AREL1: variants seen among roughly 807,000 people sequenced by gnomAD.
AREL1 encodes apoptosis-resistant E3 ubiquitin protein ligase 1.
A neutral mutation model predicts 99.0 loss-of-function variants in AREL1; 62 were observed. That is an observed-to-expected ratio of 0.63 (90% CI 0.51 to 0.77). The LOEUF (loss-of-function observed/expected upper bound fraction) is 0.77, where lower values mean the gene tolerates loss of function less well. Among genes scored for constraint, AREL1 ranks in the 30% least tolerant of loss-of-function variants. The pLI is 0.00. For missense variants in AREL1, 879 were observed against 1,027.6 expected, an observed-to-expected ratio of 0.86 and a Z score of 1.98; for synonymous variants, 380 against 376.5, an observed-to-expected ratio of 1.01 and a Z score of -0.11.
chr14:74,702,386 G>C (rs2090102607), intron 1 of AREL1, among the ~76,000 whole-genome samples: 1 of 152,212 alleles, frequency 6.6e-6, no homozygotes, highest in African/African-American at 2.4e-5. Context: ...TCACGTGTAA[G>C]CTGCCAAGGC....
At chr14:74,684,335 G>T in intron 4 of AREL1, 119 bp downstream of exon 4, 1 of 847,240 alleles carries the variant, frequency 1.2e-6, no homozygotes, top group Non-Finnish European at 1.8e-6. Flanking sequence ...CAATTCACTA[G>T]TTCCTGGAGG....
chr14:74,705,631 C>A (rs1594771240), intron 1 of AREL1, among the ~76,000 whole-genome samples: 1 of 152,052 alleles, frequency 6.6e-6, no homozygotes, highest in East Asian at 1.9e-4. Flanking sequence ...GTCACTCTAA[C>A]CTGTGATGAG....
At chr14:74,697,142 A>T (rs1311527076) in intron 1 of AREL1, among the ~76,000 whole-genome samples, 1 of 150,706 alleles carries the variant, frequency 6.6e-6, no homozygotes, top group Non-Finnish European at 1.5e-5. Context: ...AGAGAGAGAG[A>T]TCCTGTCACA....
At position 74,713,035 on chromosome 14, in the gene AREL1, C is replaced by T. The variant is rs2090347702; in HGVS notation, c.-436G>A. 2.5e-6 allele frequency: 3 copies of T among 1,209,028 alleles called. No individual in the cohort carries two copies. Among genetic ancestry groups the T allele is most frequent in the East Asian group, 2.4e-5 (1 of 42,532 alleles). The allele number at this position is 1,209,028 out of a possible 1,614,324, so 74.9% of individuals were successfully genotyped here. A position where few individuals can be genotyped will look rare whatever the true frequency, so the allele number is the denominator to read the frequency against. On this transcript the variant is annotated 5_prime_UTR_variant, in exon 1 of 20. Coordinates refer to ENST00000356357, the MANE Select transcript of AREL1 (RefSeq NM_001039479.2). ...GGCTCCCCACTCTCCCACCAACAGA[C>T]CCCAGAGTTGGTCTCCACCCGGCCT...
At position 74,684,461 on chromosome 14, in the gene AREL1, C is replaced by T. The variant is rs373435283; in HGVS notation, c.236G>A (p.Arg79Gln). The T allele has an allele frequency of 8.4e-5, 135 of 1,614,092 alleles. No homozygotes were observed. The highest frequency in any genetic ancestry group is 1.3e-4 in the Admixed American group (8 of 60,020). ...ACAGAAACATTCCCTTACATGCACTCGGAAGGCCATGCTGTGGCCCACCTC... is the reference window on the plus strand; with the variant it reads ...ACAGAAACATTCCCTTACATGCACTTGGAAGGCCATGCTGTGGCCCACCTC... ...PYEVGHSMAF[R>Q]VHLFYKNGQP... The change falls in exon 4 of 20, where the codon CGA becomes CAA. Residue 79 changes from arginine (R) to glutamine (Q), a missense_variant. By Grantham distance (43) the Arg-to-Gln change is conservative (BLOSUM62 1). Transcript: ENST00000356357.
At position 74,664,962 on chromosome 14, in the gene AREL1, G is replaced by T. The variant is rs777638638; in HGVS notation, c.2104-37C>A. On this transcript the variant is annotated intron_variant, in intron 17 of 19. Coordinates refer to ENST00000356357, the MANE Select transcript of AREL1 (RefSeq NM_001039479.2). ...TGGTAAGGTGTTACTATGACAGTCA[G>T]AGAGACAAAGACCCAATATAAGGTC... 1.1e-5 allele frequency: 17 copies of T among 1,561,828 alleles called. 1 individual carries two copies. In the South Asian group the frequency reaches 1.9e-4, roughly 17 times the overall value.
At chr14:74,700,789 C>T (rs2090071660) in intron 1 of AREL1, among the ~76,000 whole-genome samples, 1 of 151,904 alleles carries the variant, frequency 6.6e-6, no homozygotes, top group Admixed American at 6.6e-5. Flanking sequence ...CAAAACAAAA[C>T]AAAACAAAAC....
At chr14:74,672,100 A>G in intron 11 of AREL1, 1 of 397,472 alleles carries the variant, frequency 2.5e-6, no homozygotes, top group South Asian at 1.7e-5. Context: ...ATCAGACCAA[A>G]GTGACAACAA....
Position 74,713,015 on chromosome 14 carries a change from C to A in AREL1, c.-416G>T. On this transcript the variant is annotated 5_prime_UTR_variant, in exon 1 of 20. Transcript: ENST00000356357. Reference sequence around the variant, plus strand: ...GCAGCACTCAGCAGAAGACGGGCTCCCCACTCTCCCACCAACAGACCCCAG... The same window carrying A: ...GCAGCACTCAGCAGAAGACGGGCTCACCACTCTCCCACCAACAGACCCCAG... The A allele has an allele frequency of 1.0e-6, 1 of 985,544 alleles. No homozygotes were observed. The highest frequency in any genetic ancestry group is 1.6e-6 in the Non-Finnish European group (1 of 624,334). The allele number at this position is 985,544 out of a possible 1,614,324, so 61.0% of individuals were successfully genotyped here. A position where few individuals can be genotyped will look rare whatever the true frequency, so the allele number is the denominator to read the frequency against.
chr14:74,712,864 C>T (rs974252890), intron 1 of AREL1, 69 bp downstream of exon 1: 13 of 496,876 alleles, frequency 2.6e-5, no homozygotes, highest in African/African-American at 2.5e-4. Context: ...CCTTTTCCTC[C>T]CTCTCTCTCT....
At chr14:74,679,504 T>C (rs1300515933) in intron 5 of AREL1, among the ~76,000 whole-genome samples, 2 of 152,100 alleles carry the variant, frequency 1.3e-5, no homozygotes, top group South Asian at 2.1e-4. Flanking sequence ...ATATAGAATA[T>C]ATACAGAACT....
At chr14:74,684,258 A>G (rs1376811709) in intron 4 of AREL1, among the ~76,000 whole-genome samples, 196 bp downstream of exon 4, 1 of 152,204 alleles carries the variant, frequency 6.6e-6, no homozygotes, top group Non-Finnish European at 1.5e-5. Flanking sequence ...TAAGCTTTAT[A>G]CTTCTTCAAA....
intron 1 of AREL1, among the ~76,000 whole-genome samples, chr14:74,694,709 G>A (rs955299018): frequency 6.6e-6 from 1 of 152,028 alleles, no homozygotes; most frequent in African/African-American, 2.4e-5. Context: ...GTATAAAGAG[G>A]CTGGGCACGG....
At chr14:74,669,528 G>A (rs1009569911) in intron 15 of AREL1, 121 bp downstream of exon 15, 1 of 1,246,744 alleles carries the variant, frequency 8.0e-7, no homozygotes, top group Non-Finnish European at 1.1e-6. Flanking sequence ...CCACATTTTG[G>A]GTGTTTAATA....
chr14:74,671,956 C>T (rs2089356863), intron 11 of AREL1: 7 of 452,520 alleles, frequency 1.5e-5, no homozygotes, highest in East Asian at 1.4e-4. Flanking sequence ...AACGGGTTTC[C>T]AGTCACACCT....
intron 17 of AREL1, among the ~76,000 whole-genome samples, 178 bp downstream of exon 17, chr14:74,667,141 C>T (rs778059748): frequency 2.6e-4 from 40 of 152,120 alleles, no homozygotes; most frequent in Non-Finnish European, 5.0e-4. Context: ...TACTAATTTT[C>T]ACATTCTAAT....
intron 2 of AREL1, among the ~76,000 whole-genome samples, chr14:74,686,452 A>G (rs1160467290): frequency 1.3e-5 from 2 of 152,258 alleles, no homozygotes; most frequent in African/African-American, 4.8e-5. Flanking sequence ...AATGTATGCT[A>G]ACGTTCATAT....
Position 74,669,984 on chromosome 14 carries a change from A to C in AREL1, c.1751T>G (p.Phe584Cys). ...QLVRARFTRS[F>C]LAQIIGLRMH... The stretch of plus-strand genomic sequence containing the variant: ...ACGCAGTCCTATGATTTGGGCCAGG[A>C]AAGAGCGGGTGAAGCGAGCTCGGAC... The change falls in exon 14 of 20, where the codon TTC becomes TGC. Residue 584 changes from phenylalanine (F) to cysteine (C), a missense_variant. Transcript: ENST00000356357. The C allele has an allele frequency of 6.2e-7, 1 of 1,613,644 alleles. No individual in the cohort carries two copies. The highest frequency in any genetic ancestry group is 8.5e-7 in the Non-Finnish European group (1 of 1,179,706).
intron 6 of AREL1, 43 bp from the exon 7 acceptor site, chr14:74,676,364 C>G: frequency 6.3e-7 from 1 of 1,592,766 alleles, no homozygotes; most frequent in Admixed American, 1.7e-5. Flanking sequence ...ATAGTATTTT[C>G]CCATTTACAA....
Sources: allele counts gnomAD v4.1 joint callset (sites outside exome capture counted in the v4.1 genomes callset), GRCh38; gene constraint gnomAD v4.1.1; transcripts MANE v1.5; gene names NCBI Gene and HGNC (gene_info 2026-07-23, HGNC 2026-07-21).